The following KYAT3 variants were observed in gnomAD, a reference collection of about 807,000 sequenced individuals.
KYAT3 encodes the protein kynurenine--oxoglutarate transaminase 3.
A neutral mutation model predicts 59.0 loss-of-function variants in KYAT3; 50 were observed. The ratio of observed to expected loss-of-function variants is 0.85; its 90% CI spans 0.68 to 1.07. The LOEUF is 1.07. KYAT3 is among the 50% of genes least tolerant of loss of function. The pLI is 0.00. For missense variants in KYAT3, 497 were observed against 533.3 expected (o/e 0.93, Z 0.67); for synonymous variants, 148 against 177.0 (o/e 0.84, Z 1.30).
At chr1:88,991,459 A>C (rs1318194655) in intron 1 of KYAT3, among the ~76,000 whole-genome samples, 1 of 152,242 alleles carries the variant, frequency 6.6e-6, no homozygotes, top group African/African-American at 2.4e-5. Context: ...ACCACTGTAA[A>C]GATGATTTTC....
chr1:88,961,230 G>A lies in KYAT3; in HGVS notation c.724C>T (p.Leu242Phe). 1 of 1,613,446 alleles carries A rather than the reference G, an allele frequency of 6.2e-7. No homozygotes were observed. The highest frequency in any genetic ancestry group is 8.5e-7 in the Non-Finnish European group (1 of 1,179,732). Reference sequence around the variant, plus strand: ...TCATAAACCTCATCGCTGATGCAGAGTGTGTCATATTTGATGCAAAGGTCA... The same window carrying A: ...TCATAAACCTCATCGCTGATGCAGAATGTGTCATATTTGATGCAAAGGTCA... ...IADLCIKYDT[L>F]CISDEVYEWL... Residue 242 changes from leucine (L) to phenylalanine (F), a missense_variant, in exon 8 of 14, where the codon CTC (leucine) becomes TTC (phenylalanine). Physicochemically the swap from Leu to Phe is conservative, Grantham distance 22. Transcript: ENST00000260508.
the KYAT3 span, among the ~76,000 whole-genome samples, chr1:88,924,831 C>T: frequency 6.6e-6 from 1 of 152,214 alleles, no homozygotes; most frequent in African/African-American, 2.4e-5. Context: ...GAGCTGAACA[C>T]TAGTCACTGG....
At chr1:88,991,213 C>A (rs1043909645) in intron 1 of KYAT3, among the ~76,000 whole-genome samples, 2 of 151,948 alleles carry the variant, frequency 1.3e-5, no homozygotes, top group Middle Eastern at 6.8e-3. Context: ...TTTGGGGGGC[C>A]GAATATAAAG....
intron 5 of KYAT3, among the ~76,000 whole-genome samples, chr1:88,963,722 T>A (rs1419288587): frequency 6.6e-6 from 1 of 152,200 alleles, no homozygotes; most frequent in East Asian, 1.9e-4. Flanking sequence ...ACATCTTCTA[T>A]CTCACAGTGC....
At chr1:88,922,972 T>C in the KYAT3 span, among the ~76,000 whole-genome samples, 1 of 152,294 alleles carries the variant, frequency 6.6e-6, no homozygotes, top group East Asian at 1.9e-4. Flanking sequence ...GCAGCCATGT[T>C]GCTATCACTA....
At chr1:88,969,590 A>G (rs537296164) in intron 2 of KYAT3, 123 bp from the exon 3 acceptor site, 6 of 609,026 alleles carry the variant, frequency 9.9e-6, no homozygotes, top group Non-Finnish European at 1.8e-5. Flanking sequence ...CATAAAGATA[A>G]ATCTTAGACT....
chr1:88,983,439 C>T, intron 2 of KYAT3: 6 of 1,614,186 alleles, frequency 3.7e-6, no homozygotes, highest in Non-Finnish European at 4.2e-6. Flanking sequence ...CCACCATCAT[C>T]CATGTGTCCT....
chr1:88,975,092 G>A (rs536966777), intron 2 of KYAT3, among the ~76,000 whole-genome samples: 2 of 151,986 alleles, frequency 1.3e-5, no homozygotes, highest in East Asian at 3.9e-4. Context: ...ATTAACCCGA[G>A]GGTCTGTGGC....
Position 88,949,123 on chromosome 1 carries a change from C to A in KYAT3, c.1109G>T (p.Gly370Val). The change falls in exon 11 of 14, where the codon GGA (glycine) becomes GTA (valine). Residue 370 changes from glycine to valine, a missense_variant. This residue lies in a region of KYAT3 where 469 missense variants were observed against 479.1 expected (regional missense o/e 0.98). Coordinates refer to ENST00000260508, the MANE Select transcript of KYAT3 (RefSeq NM_001008661.3). ...AGACACATCAGCGATGATGAAGTAT[C>A]CTCCATCAGGAACTATGGGTTTTAG... ...VGLKPIVPDG[G>V]YFIIADVSLL... 1 of 1,600,986 alleles carries A rather than the reference C, an allele frequency of 6.2e-7. No homozygotes were observed. Among genetic ancestry groups the A allele is most frequent in the Non-Finnish European group, 8.5e-7 (1 of 1,175,684 alleles).
intron 2 of KYAT3, among the ~76,000 whole-genome samples, chr1:88,986,098 T>C (rs552912883): frequency 2.0e-5 from 3 of 151,528 alleles, no homozygotes; most frequent in Non-Finnish European, 2.9e-5. Flanking sequence ...GGAGAATTGC[T>C]TGAACCCGAG....
chr1:88,958,994 G>C (rs1016279799), intron 8 of KYAT3, among the ~76,000 whole-genome samples: 5 of 152,168 alleles, frequency 3.3e-5, no homozygotes, highest in African/African-American at 1.2e-4. Flanking sequence ...AAATCAAACT[G>C]AGGCGAGGTT....
chr1:88,987,185 A>G (rs529192913), intron 2 of KYAT3, among the ~76,000 whole-genome samples: 2 of 152,354 alleles, frequency 1.3e-5, no homozygotes, highest in East Asian at 3.9e-4. Context: ...GAGCCCTGGC[A>G]TACGTAGTCT....
At chr1:88,966,026 G>C (rs569034592) in intron 4 of KYAT3, among the ~76,000 whole-genome samples, 92 of 152,256 alleles carry the variant, frequency 6.0e-4, no homozygotes, top group African/African-American at 2.1e-3. Context: ...CATGCAATAA[G>C]TAAAACTAGG....
chr1:88,943,647 C>T (rs1352626236), intron 11 of KYAT3, among the ~76,000 whole-genome samples: 4 of 152,180 alleles, frequency 2.6e-5, no homozygotes, highest in Admixed American at 2.0e-4. Context: ...CTCACATATA[C>T]ATCAGGGTGA....
At position 88,962,116 on chromosome 1, in the gene KYAT3, G is replaced by C. The variant is rs1337837806; in HGVS notation, c.483C>G (p.Cys161Trp). 2 of 1,613,694 alleles carry C rather than the reference G, an allele frequency of 1.2e-6. No individual in the cohort carries two copies. Among genetic ancestry groups the C allele is most frequent in the African/African-American group, 2.7e-5 (2 of 74,888 alleles). The change falls in exon 6 of 14, where the codon TGC becomes TGG. Residue 161 changes from cysteine (C) to tryptophan (W), a missense_variant. By Grantham distance (215) the Cys-to-Trp change is radical. Coordinates refer to ENST00000260508, the MANE Select transcript of KYAT3 (RefSeq NM_001008661.3). ...EVILIVPFYD[C>W]YEPMVRMAGA... Reference sequence around the variant, plus strand: ...CAGCCATTCTCACCATGGGCTCATAGCAGTCATAGAAAGGCACTATTAGTA... The same window carrying C: ...CAGCCATTCTCACCATGGGCTCATACCAGTCATAGAAAGGCACTATTAGTA...
chr1:88,984,991 T>C (rs1035938562), intron 2 of KYAT3, among the ~76,000 whole-genome samples: 10 of 152,260 alleles, frequency 6.6e-5, no homozygotes, highest in Non-Finnish European at 1.3e-4. Flanking sequence ...CACATGTTCA[T>C]TTTTATATTT....
chr1:88,966,643 T>G (rs912597852), intron 4 of KYAT3, among the ~76,000 whole-genome samples: 2 of 152,140 alleles, frequency 1.3e-5, no homozygotes, highest in Non-Finnish European at 2.9e-5. Context: ...CCTTAGGATA[T>G]TCTATGTACA....
At chr1:88,975,207 C>T (rs1676728895) in intron 2 of KYAT3, among the ~76,000 whole-genome samples, 2 of 152,180 alleles carry the variant, frequency 1.3e-5, no homozygotes, top group Admixed American at 1.3e-4. Flanking sequence ...AGCTGTAACA[C>T]TCACCACAAG....
intron 2 of KYAT3, among the ~76,000 whole-genome samples, chr1:88,986,634 G>GCCT (rs1677474670): frequency 6.6e-6 from 1 of 152,012 alleles, no homozygotes; most frequent in African/African-American, 2.4e-5. Context: ...TAAAATTAGA[G>GCCT]AATATGTAAA....
Sources: allele counts gnomAD v4.1 joint callset (sites outside exome capture counted in the v4.1 genomes callset), GRCh38; gene constraint gnomAD v4.1.1; regional missense constraint gnomAD v4.1.1; transcripts MANE v1.5; gene names NCBI Gene and HGNC (gene_info 2026-07-23, HGNC 2026-07-21).